FBXL20: variants seen among roughly 807,000 people sequenced by gnomAD.
The protein encoded by FBXL20 is F-box/LRR-repeat protein 20.
Under a neutral mutation model 64.0 loss-of-function variants are expected in FBXL20, and 11 were observed. The ratio of observed to expected loss-of-function variants is 0.17; its 90% CI spans 0.11 to 0.28. The LOEUF (loss-of-function observed/expected upper bound fraction) is 0.28. Ranked by LOEUF, FBXL20 falls within the 10% of genes least tolerant of loss-of-function variation. FBXL20 has a pLI of 1.00. For synonymous variants in FBXL20, 184 were observed against 189.0 expected (o/e 0.97, Z 0.22); for missense variants, 303 against 526.2 (o/e 0.58, Z 4.15).
At chr17:39,334,840 A>G (rs1013461834) in intron 2 of FBXL20, among the ~76,000 whole-genome samples, 17 of 152,222 alleles carry the variant, frequency 1.1e-4, no homozygotes, top group African/African-American at 4.1e-4. Context: ...CTGTAATCCC[A>G]GCACTTTGGG....
intron 1 of FBXL20, among the ~76,000 whole-genome samples, chr17:39,363,822 A>AC (rs1555612718): frequency 5.7e-5 from 6 of 105,210 alleles, no homozygotes; most frequent in East Asian, 2.5e-4. Flanking sequence ...AAAAAAAAAA[A>AC]AAAACAAAAA....
At chr17:39,303,702 T>C in intron 2 of FBXL20, 63 bp from the exon 3 acceptor site, 1 of 1,439,696 alleles carries the variant, frequency 6.9e-7, no homozygotes, top group African/African-American at 1.4e-5. Context: ...CTTTATTTAT[T>C]TTGAGACAGG....
chr17:39,337,986 A>G (rs1320275414), intron 2 of FBXL20, among the ~76,000 whole-genome samples: 1 of 133,710 alleles, frequency 7.5e-6, no homozygotes, highest in African/African-American at 2.8e-5. Flanking sequence ...GGCCGCCCCT[A>G]CTGGGAAGTG....
At chr17:39,290,809 T>TG (rs1230482325) in intron 6 of FBXL20, among the ~76,000 whole-genome samples, 2 of 152,174 alleles carry the variant, frequency 1.3e-5, no homozygotes, top group African/African-American at 4.8e-5. Context: ...GCAACCCTCC[T>TG]GCTTTAGCTT....
intron 6 of FBXL20, among the ~76,000 whole-genome samples, chr17:39,296,452 C>T (rs1224816693): frequency 1.3e-5 from 2 of 148,158 alleles, no homozygotes; most frequent in Non-Finnish European, 3.0e-5. Flanking sequence ...CCCAGCTACT[C>T]GGGAGGCTGA....
chr17:39,300,518 CTT>C (rs2047124379), intron 4 of FBXL20, among the ~76,000 whole-genome samples: 1 of 152,114 alleles, frequency 6.6e-6, no homozygotes. Flanking sequence ...GAGGAAAAAA[CTT>C]CTCTCTCTAG....
At chr17:39,387,219 T>C (rs1052601183) in intron 1 of FBXL20, among the ~76,000 whole-genome samples, 5 of 152,016 alleles carry the variant, frequency 3.3e-5, no homozygotes. Flanking sequence ...ATTCTGAGCA[T>C]GCTTAAGGTA....
At chr17:39,279,918 C>T (rs1312727794) in intron 9 of FBXL20, among the ~76,000 whole-genome samples, 2 of 152,070 alleles carry the variant, frequency 1.3e-5, no homozygotes, top group Non-Finnish European at 2.9e-5. Flanking sequence ...CAGTGGCTTA[C>T]GCCTGTAATC....
At chr17:39,344,631 C>A (rs1597809746) in intron 1 of FBXL20, among the ~76,000 whole-genome samples, 1 of 151,174 alleles carries the variant, frequency 6.6e-6, no homozygotes, top group Non-Finnish European at 1.5e-5. Flanking sequence ...ACTAAAAATA[C>A]AAAAAAAAGT....
intron 1 of FBXL20, among the ~76,000 whole-genome samples, chr17:39,346,260 G>C (rs1261697002): frequency 6.6e-6 from 1 of 151,994 alleles, no homozygotes; most frequent in Non-Finnish European, 1.5e-5. Context: ...AGGATCACTT[G>C]TGCCCAGGAA....
intron 1 of FBXL20, among the ~76,000 whole-genome samples, chr17:39,387,488 A>T (rs1267753036): frequency 6.6e-6 from 1 of 151,896 alleles, no homozygotes; most frequent in Non-Finnish European, 1.5e-5. Flanking sequence ...CATGTTCGCC[A>T]GGCTGGTCTC....
intron 6 of FBXL20, among the ~76,000 whole-genome samples, chr17:39,288,320 G>A (rs2047007344): frequency 6.6e-6 from 1 of 152,042 alleles, no homozygotes; most frequent in African/African-American, 2.4e-5. Context: ...TCGGTGAAAT[G>A]TCTATCCAAG....
chr17:39,272,376 CTT>C (rs1205228458), intron 10 of FBXL20, among the ~76,000 whole-genome samples: 14 of 131,800 alleles, frequency 1.1e-4, no homozygotes, highest in Middle Eastern at 3.8e-3. Context: ...CAGAGCGAGA[CTT>C]TGTCTCAAAA....
intron 10 of FBXL20, among the ~76,000 whole-genome samples, chr17:39,271,674 GA>G (rs1459268715): frequency 6.8e-6 from 1 of 147,258 alleles, no homozygotes; most frequent in Non-Finnish European, 1.5e-5. Flanking sequence ...TGAAATTCTA[GA>G]CTTGTGAAAG....
At chr17:39,377,806 A>G (rs2047982732) in intron 1 of FBXL20, among the ~76,000 whole-genome samples, 1 of 152,152 alleles carries the variant, frequency 6.6e-6, no homozygotes, top group African/African-American at 2.4e-5. Context: ...CCCAGCCTGC[A>G]AGTCCTGTCT....
At chr17:39,338,097 G>A (rs1008270233) in intron 2 of FBXL20, among the ~76,000 whole-genome samples, 5 of 152,234 alleles carry the variant, frequency 3.3e-5, no homozygotes, top group African/African-American at 9.6e-5. Flanking sequence ...GAATAGAAAG[G>A]GGGGAAAGGT....
chr17:39,350,797 G>A (rs968101184), intron 1 of FBXL20, among the ~76,000 whole-genome samples: 12 of 152,068 alleles, frequency 7.9e-5, no homozygotes, highest in Non-Finnish European at 1.3e-4. Context: ...GCATCAACCC[G>A]GAACTTACAA....
At chr17:39,352,466 T>A (rs2047696515) in intron 1 of FBXL20, among the ~76,000 whole-genome samples, 1 of 151,954 alleles carries the variant, frequency 6.6e-6, no homozygotes, top group Non-Finnish European at 1.5e-5. Flanking sequence ...GCAGATCACT[T>A]GAGCTCAGGA....
intron 1 of FBXL20, among the ~76,000 whole-genome samples, chr17:39,386,946 C>G (rs374027649): frequency 9.2e-5 from 14 of 152,260 alleles, no homozygotes; most frequent in East Asian, 5.8e-4. Flanking sequence ...CTGACAACAG[C>G]CAGATCATGT....
Sources: allele counts gnomAD v4.1 joint callset (sites outside exome capture counted in the v4.1 genomes callset), GRCh38; gene constraint gnomAD v4.1.1; transcripts MANE v1.5; gene names NCBI Gene and HGNC (gene_info 2026-07-23, HGNC 2026-07-21).